Variants in RAD51B observed in about 807,000 individuals in gnomAD.
RAD51B encodes the protein RAD51 paralog B.
RAD51B carries 38 observed loss-of-function variants against 42.2 expected under a neutral mutation model. The ratio of observed to expected loss-of-function variants is 0.90; its 90% CI spans 0.70 to 1.18. RAD51B has a LOEUF of 1.18. Ranked by LOEUF, RAD51B falls within the 50% of genes most tolerant of loss-of-function variation. RAD51B has a pLI of 0.00. For missense variants in RAD51B, 373 were observed against 400.7 expected (o/e 0.93, Z 0.59); for synonymous variants, 154 against 145.2 (o/e 1.06, Z -0.43).
chr14:68,464,035 T>C (rs1187442619), intron 9 of RAD51B, among the ~76,000 whole-genome samples: 4 of 152,266 alleles, frequency 2.6e-5, no homozygotes, highest in African/African-American at 9.6e-5. Flanking sequence ...GGCTGTTCCA[T>C]AATGAATCAT....
chr14:68,220,323 A>G (rs1382137166), intron 7 of RAD51B, among the ~76,000 whole-genome samples: 1 of 152,248 alleles, frequency 6.6e-6, no homozygotes, highest in Non-Finnish European at 1.5e-5. Flanking sequence ...ATGTCAGTCA[A>G]TAAATGTGAT....
intron 7 of RAD51B, among the ~76,000 whole-genome samples, chr14:68,275,201 G>A (rs1200520623): frequency 6.6e-6 from 1 of 152,140 alleles, no homozygotes; most frequent in Non-Finnish European, 1.5e-5. Context: ...ACTCCAGAAG[G>A]CCATCTTATT....
intron 7 of RAD51B, among the ~76,000 whole-genome samples, chr14:67,948,504 G>A (rs1007755256): frequency 2.0e-5 from 3 of 152,118 alleles, no homozygotes; most frequent in East Asian, 1.9e-4. Flanking sequence ...GGTGGGTTCC[G>A]TGTCAGACCA....
intron 7 of RAD51B, chr14:68,125,518 G>A (rs2077738436): frequency 6.6e-6 from 1 of 152,180 alleles, no homozygotes; most frequent in Non-Finnish European, 1.5e-5. Flanking sequence ...TAGAACTGGG[G>A]CTTCATCAAT....
intron 8 of RAD51B, among the ~76,000 whole-genome samples, chr14:68,315,801 C>T (rs541426003): frequency 5.3e-5 from 8 of 152,296 alleles, no homozygotes; most frequent in Admixed American, 3.3e-4. Context: ...GGATTACAGG[C>T]GTGAACCACT....
chr14:68,199,205 A>G (rs893350044), intron 7 of RAD51B, among the ~76,000 whole-genome samples: 2 of 152,108 alleles, frequency 1.3e-5, no homozygotes, highest in Admixed American at 1.3e-4. Flanking sequence ...TAGAAGCAAC[A>G]CTCCAACTGT....
intron 10 of RAD51B, among the ~76,000 whole-genome samples, chr14:68,558,462 T>A (rs1888972514): frequency 6.6e-6 from 1 of 152,234 alleles, no homozygotes; most frequent in African/African-American, 2.4e-5. Flanking sequence ...AGAGGTGTGA[T>A]ATCAAGGTTT....
At chr14:68,207,848 T>C (rs900101822) in intron 7 of RAD51B, among the ~76,000 whole-genome samples, 1 of 150,330 alleles carries the variant, frequency 6.7e-6, no homozygotes, top group Admixed American at 6.6e-5. Flanking sequence ...TCATTTGAGA[T>C]TTTTTTTTTG....
chr14:67,923,456 C>T (rs150789584), intron 7 of RAD51B, among the ~76,000 whole-genome samples: 1,573 of 152,026 alleles, frequency 0.01, 29 homozygotes, highest in African/African-American at 0.036. Flanking sequence ...TGTGCCACCA[C>T]GCCTGGCTAA....
chr14:67,828,505 T>C (rs891739098), intron 3 of RAD51B, among the ~76,000 whole-genome samples: 10 of 152,220 alleles, frequency 6.6e-5, no homozygotes, highest in African/African-American at 2.4e-4. Context: ...TTGTCAATTT[T>C]GCTTTTGTTC....
intron 11 of RAD51B, among the ~76,000 whole-genome samples, chr14:68,665,491 C>T (rs1166883608): frequency 1.3e-5 from 2 of 152,204 alleles, no homozygotes; most frequent in Admixed American, 1.3e-4. Flanking sequence ...ATATACTTCC[C>T]CCAACCCATC....
chr14:68,572,907 C>A (rs1229213186), intron 10 of RAD51B, among the ~76,000 whole-genome samples: 1 of 152,144 alleles, frequency 6.6e-6, no homozygotes, highest in Non-Finnish European at 1.5e-5. Context: ...TAGACAGAAC[C>A]CTATGAAGAA....
chr14:68,492,849 C>T (rs756412819), intron 10 of RAD51B, among the ~76,000 whole-genome samples: 1 of 152,166 alleles, frequency 6.6e-6, no homozygotes, highest in Non-Finnish European at 1.5e-5. Flanking sequence ...CTGCTTATTT[C>T]CCTAACAACC....
At chr14:68,551,640 C>A (rs1401051618) in intron 10 of RAD51B, among the ~76,000 whole-genome samples, 3 of 152,232 alleles carry the variant, frequency 2.0e-5, no homozygotes, top group African/African-American at 4.8e-5. Flanking sequence ...AGGTCAAGGG[C>A]TTTCTCTCAC....
intron 9 of RAD51B, among the ~76,000 whole-genome samples, chr14:68,413,260 A>T (rs778224273): frequency 2.0e-5 from 3 of 152,142 alleles, no homozygotes; most frequent in Non-Finnish European, 2.9e-5. Context: ...TGACTGGAGG[A>T]TGTTGGTGGC....
intron 1 of RAD51B, among the ~76,000 whole-genome samples, chr14:67,820,112 G>T (rs2040575838): frequency 6.6e-6 from 1 of 152,154 alleles, no homozygotes; most frequent in Non-Finnish European, 1.5e-5. Context: ...GATTCTGGGT[G>T]ATGTTTCCGC....
Position 68,565,948 on chromosome 14 carries a change from G to T in RAD51B, c.1037-28537G>T, listed in dbSNP as rs962459118. Among the ~76,000 whole-genome samples, 1 of 152,192 alleles carries T rather than the reference G, an allele frequency of 6.6e-6. No homozygotes were observed. Among genetic ancestry groups the T allele is most frequent in the South Asian group, 2.1e-4 (1 of 4,830 alleles). On this transcript the variant is annotated intron_variant, in intron 10 of 10. Transcript: ENST00000487270. The surrounding 1 kb of genome is among the most constrained non-coding windows in gnomAD (Gnocchi z 4.1). ...CCACAAGCCACTCTTGCTGAAGGAA[G>T]TGTGTCTGCTTTTATACCTTGGGTA...
chr14:67,976,146 T>C lies in RAD51B; in HGVS notation c.756+88942T>C, dbSNP rs578163369. Among the ~76,000 whole-genome samples the C allele has an allele frequency of 1.9e-3, 295 of 152,074 alleles. 1 individual carries two copies. Among genetic ancestry groups the C allele is most frequent in the South Asian group, 3.5e-3 (17 of 4,810 alleles). ...GTTGTTTGTGTTTTGAGACAAGGTC[T>C]CACTCTGCTGTCCAGGCTGGAGTGC... is the stretch of plus-strand genomic sequence containing the variant. On this transcript the variant is annotated intron_variant, in intron 7 of 10. Coordinates refer to ENST00000471583, the MANE Select transcript of RAD51B (RefSeq NM_133510.4).
At chr14:67,958,547 G>C (rs926827554) in intron 7 of RAD51B, among the ~76,000 whole-genome samples, 1 of 152,202 alleles carries the variant, frequency 6.6e-6, no homozygotes, top group African/African-American at 2.4e-5. Flanking sequence ...TTGAAGTCAA[G>C]ACTGAATACA....
Sources: gnomAD v4.1 joint callset for allele counts (sites outside exome capture counted in the v4.1 genomes callset) on GRCh38, gnomAD v4.1.1 for gene constraint, Gnocchi (gnomAD v3.1) non-coding constraint, MANE v1.5 for transcripts, NCBI Gene and HGNC (gene_info 2026-07-23, HGNC 2026-07-21) for gene names.